FHIT: variants seen among roughly 807,000 people sequenced by gnomAD.
The protein encoded by FHIT is fragile histidine triad diadenosine triphosphatase.
FHIT carries 19 observed loss-of-function variants against 17.9 expected under a neutral mutation model. That is an observed-to-expected ratio of 1.06 (90% CI 0.74 to 1.56). The LOEUF (loss-of-function observed/expected upper bound fraction) is 1.56, where lower values mean the gene tolerates loss of function less well. Ranked by LOEUF, FHIT falls within the 40% of genes most tolerant of loss-of-function variation. FHIT has a pLI of 0.00. For missense variants in FHIT, 248 were observed against 189.2 expected (o/e 1.31, Z -1.82); for synonymous variants, 81 against 69.7 (o/e 1.16, Z -0.81).
intron 3 of FHIT, among the ~76,000 whole-genome samples, chr3:60,944,051 T>C (rs374680458): frequency 1.3e-5 from 2 of 152,122 alleles, no homozygotes; most frequent in Admixed American, 6.5e-5. Flanking sequence ...ACCTTGACAA[T>C]TGAATTAGTA....
At chr3:60,531,317 C>T (rs1424141025) in intron 5 of FHIT, among the ~76,000 whole-genome samples, 12 of 140,860 alleles carry the variant, frequency 8.5e-5, no homozygotes, top group African/African-American at 2.9e-4. Context: ...CTCGCTCTGT[C>T]GCCCAGGCTG....
intron 1 of FHIT, among the ~76,000 whole-genome samples, chr3:61,208,850 C>G (rs1032400882): frequency 6.6e-6 from 1 of 151,968 alleles, no homozygotes; most frequent in Non-Finnish European, 1.5e-5. Context: ...TGAATCTGAT[C>G]CTGTCATTAT....
chr3:60,746,389 G>T (rs1426104491), intron 4 of FHIT, among the ~76,000 whole-genome samples: 2 of 152,220 alleles, frequency 1.3e-5, no homozygotes, highest in African/African-American at 4.8e-5. Context: ...TTTTGAAAAT[G>T]AAAGGATGAG....
chr3:60,794,968 G>A (rs1200050600), intron 4 of FHIT, among the ~76,000 whole-genome samples: 1 of 152,188 alleles, frequency 6.6e-6, no homozygotes, highest in African/African-American at 2.4e-5. Flanking sequence ...TCTTCCAGCT[G>A]CCTAGTCCCT....
At chr3:60,160,870 C>T (rs1700910588) in intron 5 of FHIT, among the ~76,000 whole-genome samples, 1 of 151,494 alleles carries the variant, frequency 6.6e-6, no homozygotes, top group Non-Finnish European at 1.5e-5. Context: ...AATACAAATT[C>T]AAATTTCTCC....
intron 7 of FHIT, among the ~76,000 whole-genome samples, chr3:59,983,129 G>T (rs374919867): frequency 1.3e-5 from 2 of 151,816 alleles, no homozygotes; most frequent in East Asian, 1.9e-4. Flanking sequence ...TGTAGACATG[G>T]GGTTTGGCTA....
chr3:60,013,098 G>C (rs73842464), intron 6 of FHIT, among the ~76,000 whole-genome samples: 6,172 of 152,158 alleles, frequency 0.041, 424 homozygotes, highest in African/African-American at 0.14. Context: ...AGCAAAAAAA[G>C]AAAGAAAAAA....
At chr3:60,937,417 C>T (rs1292722015) in intron 3 of FHIT, among the ~76,000 whole-genome samples, 3 of 152,102 alleles carry the variant, frequency 2.0e-5, no homozygotes, top group Non-Finnish European at 1.5e-5. Flanking sequence ...GCAGAAATTA[C>T]CCCTAATGTG....
chr3:60,873,473 T>C (rs1308193232), intron 3 of FHIT, among the ~76,000 whole-genome samples: 1 of 152,198 alleles, frequency 6.6e-6, no homozygotes. Context: ...GGTTCCTTTG[T>C]TGCTTTGTGT....
intron 4 of FHIT, among the ~76,000 whole-genome samples, chr3:60,596,609 T>C (rs1553666590): frequency 2.0e-5 from 3 of 152,130 alleles, no homozygotes; most frequent in South Asian, 2.1e-4. Flanking sequence ...CACAGTCTCA[T>C]AGTAAAGGAA....
intron 7 of FHIT, among the ~76,000 whole-genome samples, chr3:59,953,289 T>G (rs191132030): frequency 6.0e-4 from 91 of 152,204 alleles, no homozygotes; most frequent in African/African-American, 2.0e-3. Flanking sequence ...TGTCTCTCTG[T>G]GTGAGTGTCT....
chr3:59,811,378 T>C (rs1700400470), intron 8 of FHIT, among the ~76,000 whole-genome samples: 1 of 152,222 alleles, frequency 6.6e-6, no homozygotes, highest in Non-Finnish European at 1.5e-5. Flanking sequence ...GTTTCTTTTT[T>C]TAGCCAGCAT....
At chr3:60,556,761 C>T (rs1280352641) in intron 4 of FHIT, among the ~76,000 whole-genome samples, 4 of 152,354 alleles carry the variant, frequency 2.6e-5, no homozygotes, top group Non-Finnish European at 4.4e-5. Flanking sequence ...GGAGCAGTGG[C>T]ATCACCTAGG....
intron 5 of FHIT, among the ~76,000 whole-genome samples, chr3:60,431,459 C>A (rs1702901478): frequency 6.6e-6 from 1 of 152,108 alleles, no homozygotes; most frequent in African/African-American, 2.4e-5. Flanking sequence ...GGCTGTTTCA[C>A]TGACCTATCT....
chr3:60,819,706 A>C (rs782067980), intron 4 of FHIT, among the ~76,000 whole-genome samples: 6 of 152,194 alleles, frequency 3.9e-5, no homozygotes, highest in Non-Finnish European at 8.8e-5. Flanking sequence ...TTCTTTGAGC[A>C]GTTCCCATAA....
At chr3:60,751,026 G>C (rs2042455591) in intron 4 of FHIT, among the ~76,000 whole-genome samples, 1 of 152,206 alleles carries the variant, frequency 6.6e-6, no homozygotes, top group Non-Finnish European at 1.5e-5. Flanking sequence ...CCTGGGCTGT[G>C]AGTATATGTG....
At position 60,212,877 on chromosome 3, in the gene FHIT, G is replaced by A. The variant is rs185884950; in HGVS notation, c.104-198725C>T. On this transcript the variant is annotated intron_variant, in intron 5 of 9. Transcript: ENST00000492590. The stretch of plus-strand genomic sequence containing the variant: ...GATTTTCTAAGAAACCAGCAAATCC[G>A]GGTTTGTTCCTGAGGATGTTCCAAG... Among the ~76,000 whole-genome samples the A allele has an allele frequency of 7.2e-5, 11 of 152,226 alleles. No homozygotes were observed. The East Asian group carries it at 1.9e-3, about 27-fold the overall frequency.
intron 4 of FHIT, among the ~76,000 whole-genome samples, chr3:60,712,038 C>G (rs1411728624): frequency 7.9e-5 from 12 of 152,106 alleles, no homozygotes; most frequent in African/African-American, 2.9e-4. Context: ...GTCGGGTTAC[C>G]CACAAAGGGA....
intron 8 of FHIT, among the ~76,000 whole-genome samples, chr3:59,758,410 T>C (rs1216698213): frequency 6.6e-6 from 1 of 151,598 alleles, no homozygotes; most frequent in Non-Finnish European, 1.5e-5. Context: ...TAACATTCCA[T>C]TGTTTAAAGA....
Sources: allele counts gnomAD v4.1 joint callset (sites outside exome capture counted in the v4.1 genomes callset), GRCh38; gene constraint gnomAD v4.1.1; transcripts MANE v1.5; gene names NCBI Gene and HGNC (gene_info 2026-07-23, HGNC 2026-07-21).